Variants in TG observed in about 807,000 individuals in gnomAD.
TG encodes the protein thyroglobulin.
In TG, 270 loss-of-function variants were observed where a neutral mutation model predicts 324.7. That is an observed-to-expected ratio of 0.83 (90% CI 0.75 to 0.92). The LOEUF (loss-of-function observed/expected upper bound fraction) is 0.92. Ranked by LOEUF, TG falls within the 40% of genes least tolerant of loss-of-function variation. The probability of loss-of-function intolerance (pLI) is 0.00; values close to 1 mark genes in which losing one functional copy is unlikely to be tolerated. For synonymous variants in TG, 1,401 were observed against 1,327.0 expected (o/e 1.06, Z -1.21); for missense variants, 3,591 against 3,456.4 (o/e 1.04, Z -0.98).
At chr8:133,057,961 A>G (rs574478646) in intron 41 of TG, among the ~76,000 whole-genome samples, 1 of 152,208 alleles carries the variant, frequency 6.6e-6, no homozygotes, top group African/African-American at 2.4e-5. Context: ...CCTCTCTGGC[A>G]CTGAAGCTAA....
chr8:133,081,710 A>G lies in TG; in HGVS notation c.7240-13334A>G, dbSNP rs181370952. Among the ~76,000 whole-genome samples the G allele has an allele frequency of 4.4e-3, 638 of 144,586 alleles. 6 individuals are homozygous for G. Among genetic ancestry groups the G allele is most frequent in the African/African-American group, 0.015 (612 of 40,476 alleles). 94.9% of individuals were successfully genotyped at this position (144,586 alleles called of 152,430 possible). On this transcript the variant is annotated intron_variant, in intron 41 of 47. Transcript: ENST00000220616. ...CTCAACCTAGACCCACTGCCTCCAC[A>G]TCGGGGGAGATCTTACTGTTCTCAG...
intron 35 of TG, among the ~76,000 whole-genome samples, chr8:132,986,390 A>G (rs962936386): frequency 8.4e-6 from 1 of 119,212 alleles, no homozygotes; most frequent in Non-Finnish European, 1.8e-5. Context: ...GTGTGTATAT[A>G]TGTGTATATA....
At position 132,933,676 on chromosome 8, in the gene TG, G is replaced by T. The variant is rs1442079882; in HGVS notation, c.4932G>T (p.Gln1644His). 1 of 1,613,972 alleles carries T rather than the reference G, an allele frequency of 6.2e-7. No homozygotes were observed. Residue 1644 changes from glutamine (Q) to histidine (H), a missense_variant and splice_region_variant, in exon 24 of 48, where the codon CAG becomes CAT. By Grantham distance (24) the Gln-to-His change is conservative. Coordinates refer to ENST00000220616, the MANE Select transcript of TG (RefSeq NM_003235.5). ...ATGTTGCCTGCATGACTTCTGACCA[G>T]GTGAGGTGGGGCAGCCACGTGTGGT... ...SDNVACMTSD[Q>H]KRDALGNSKA...
At chr8:133,116,907 A>G (rs1000291592) in intron 45 of TG, among the ~76,000 whole-genome samples, 191 bp downstream of exon 45, 1 of 152,138 alleles carries the variant, frequency 6.6e-6, no homozygotes, top group African/African-American at 2.4e-5. Context: ...ATGGTGTGAA[A>G]GGCTTTGCAA....
intron 34 of TG, among the ~76,000 whole-genome samples, chr8:132,979,087 A>G (rs1015710636): frequency 6.6e-6 from 1 of 152,202 alleles, no homozygotes; most frequent in Non-Finnish European, 1.5e-5. Flanking sequence ...CAGTAGAGCC[A>G]GAGAGGAACT....
chr8:132,990,733 C>T (rs990688198), intron 35 of TG, among the ~76,000 whole-genome samples: 3 of 152,144 alleles, frequency 2.0e-5, no homozygotes, highest in Non-Finnish European at 4.4e-5. Flanking sequence ...CAACTGTGTC[C>T]ATTTTCCAGA....
intron 41 of TG, among the ~76,000 whole-genome samples, chr8:133,058,829 T>C (rs1377005626): frequency 6.6e-6 from 1 of 152,194 alleles, no homozygotes; most frequent in Non-Finnish European, 1.5e-5. Flanking sequence ...AATATTCTTT[T>C]TGTTTATCCC....
intron 41 of TG, among the ~76,000 whole-genome samples, chr8:133,056,702 G>T (rs1220962928): frequency 2.0e-5 from 3 of 152,240 alleles, no homozygotes; most frequent in Non-Finnish European, 4.4e-5. Context: ...GTCTGCATAT[G>T]TAAAGCACTG....
rs58739514 is a variant in TG at position 133,042,678 on chromosome 8, C to CTTTTTTTTTTTT, written c.7239+12675_7239+12686dup. On this transcript the variant is annotated intron_variant, in intron 41 of 47. Transcript: ENST00000220616. ...GTGCACAATTCCTCTCATTCTGTGT[C>CTTTTTTTTTTTT]TTTTTTTTTTTTTTTTTTTTTTTTT... Among the ~76,000 whole-genome samples, 77 of 56,770 alleles carry CTTTTTTTTTTTT rather than the reference C, an allele frequency of 1.4e-3. 7 individuals carry two copies. Among genetic ancestry groups the CTTTTTTTTTTTT allele is most frequent in the Middle Eastern group, 0.021 (1 of 48 alleles). 37.2% of individuals were successfully genotyped at this position (56,770 alleles called of 152,430 possible). A position where few individuals can be genotyped will look rare whatever the true frequency, so the allele number is the denominator to read the frequency against.
At position 133,096,215 on chromosome 8, in the gene TG, G is replaced by C. The variant is rs61730222; in HGVS notation, c.7414G>C (p.Val2472Leu). ...GTTGCATCCAATGCAGCTCCTGGCC[G>C]TGAGTGGCCCTTTCCACTACTGGGG... ...LNDAQTKLLA[V>L]SGPFHYWGPV... The change falls in exon 43 of 48, where the codon GTG becomes CTG. Residue 2472 changes from valine (V) to leucine (L), a missense_variant. Physicochemically the swap from Val to Leu is conservative, Grantham distance 32. Coordinates refer to ENST00000220616, the MANE Select transcript of TG (RefSeq NM_003235.5). The C allele has an allele frequency of 3.2e-3, 5,114 of 1,614,188 alleles. 150 individuals are homozygous for C. In the African/African-American group the frequency reaches 0.061, roughly 19 times the overall value.
intron 41 of TG, among the ~76,000 whole-genome samples, chr8:133,044,220 G>T (rs561612168): frequency 6.6e-6 from 1 of 152,220 alleles, no homozygotes; most frequent in African/African-American, 2.4e-5. Context: ...TTTCTGTAGG[G>T]TAAAGTTCCG....
At chr8:133,132,088 TGTCTCA>T in intron 46 of TG, 142 bp downstream of exon 46, 1 of 1,313,608 alleles carries the variant, frequency 7.6e-7, no homozygotes. Context: ...CTGGCCTCCC[TGTCTCA>T]GTCACCCCCT....
At chr8:133,094,361 C>A (rs1453208299) in intron 41 of TG, among the ~76,000 whole-genome samples, 2 of 151,458 alleles carry the variant, frequency 1.3e-5, no homozygotes, top group Non-Finnish European at 2.9e-5. Context: ...CTACCTCAGC[C>A]TCCCAAGTAG....
chr8:133,102,563 T>A (rs1588106149), intron 43 of TG: 2 of 1,551,614 alleles, frequency 1.3e-6, no homozygotes, highest in South Asian at 1.2e-5. Flanking sequence ...CGGTGGAGCA[T>A]CAGGGCTGCC....
rs1848190519 is a variant in TG at position 133,095,014 on chromosome 8, C to A, written c.7240-30C>A. 1.9e-6 allele frequency: 3 copies of A among 1,612,332 alleles called. No individual in the cohort carries two copies. In the South Asian group the frequency reaches 3.3e-5, roughly 18 times the overall value. On this transcript the variant is annotated intron_variant, in intron 41 of 47. Transcript: ENST00000220616. ...AGCAGGGGCTGAAGATGATCTGAAC[C>A]ATCTGCCCTGAGCCTGCTTTCTCTT...
intron 18 of TG, among the ~76,000 whole-genome samples, chr8:132,910,961 G>A (rs913688302): frequency 2.0e-5 from 3 of 152,184 alleles, no homozygotes; most frequent in Admixed American, 2.0e-4. Context: ...GCACAACTCA[G>A]CCACACTTAG....
chr8:133,040,096 C>T lies in TG; in HGVS notation c.7239+10073C>T, dbSNP rs114984671. 1.4e-3 allele frequency: 2,219 copies of T among 1,569,836 alleles called. 24 individuals are homozygous for T. In the African/African-American group the frequency reaches 0.027, roughly 19 times the overall value. ...CAGCCGTGCTTTGTGTCAGGCAGGGCGTGGTGAGCACACAGCACAGGCCAT... is the reference window on the plus strand; with the variant it reads ...CAGCCGTGCTTTGTGTCAGGCAGGGTGTGGTGAGCACACAGCACAGGCCAT... On this transcript the variant is annotated intron_variant, in intron 41 of 47. Coordinates refer to ENST00000220616, the MANE Select transcript of TG (RefSeq NM_003235.5).
Position 133,133,572 on chromosome 8 carries a change from C to A in TG, c.8100C>A (p.Phe2700Leu), listed in dbSNP as rs1852111269. Residue 2700 changes from phenylalanine (F) to leucine (L), a missense_variant, in exon 47 of 48, where the codon TTC becomes TTA. Phe to Leu is a conservative substitution (Grantham distance 22). Coordinates refer to ENST00000220616, the MANE Select transcript of TG (RefSeq NM_003235.5). ...CTGGTGGAGAGAACTACAAGGAGTT[C>A]AGTGAGCTGCTCCCCAATCGACAGG... ...PRAGGENYKEFSELLPNRQGL... is the reference protein window; with the variant it reads ...PRAGGENYKELSELLPNRQGL... The A allele has an allele frequency of 1.2e-6, 2 of 1,614,104 alleles. No individual in the cohort carries two copies. The highest frequency in any genetic ancestry group is 2.7e-5 in the African/African-American group (2 of 74,930).
intron 41 of TG, among the ~76,000 whole-genome samples, chr8:133,041,784 GTT>G (rs529937626): frequency 4.8e-5 from 6 of 124,396 alleles, no homozygotes; most frequent in South Asian, 2.6e-4. Flanking sequence ...CTTGTGGTCA[GTT>G]TTTTTTTTTT....
Sources: allele counts gnomAD v4.1 joint callset (sites outside exome capture counted in the v4.1 genomes callset), GRCh38; gene constraint gnomAD v4.1.1; transcripts MANE v1.5; gene names NCBI Gene and HGNC (gene_info 2026-07-23, HGNC 2026-07-21).